The following CDA variants were observed in gnomAD, a reference collection of about 807,000 sequenced individuals.
CDA encodes the protein cytidine deaminase, also known as cytidine aminohydrolase.
CDA carries 7 observed loss-of-function variants against 15.0 expected under a neutral mutation model. The observed-to-expected ratio is 0.47, with a 90% confidence interval of 0.26 to 0.87. The LOEUF (loss-of-function observed/expected upper bound fraction) is 0.87, where lower values mean the gene tolerates loss of function less well. CDA is among the 40% of genes least tolerant of loss of function. CDA has a pLI of 0.15. For synonymous variants in CDA, 58 were observed against 73.0 expected, an observed-to-expected ratio of 0.79 and a Z score of 1.05; for missense variants, 159 against 182.7, an observed-to-expected ratio of 0.87 and a Z score of 0.75.
At chr1:20,592,375 C>G (rs1037811722) in intron 1 of CDA, among the ~76,000 whole-genome samples, 1 of 152,160 alleles carries the variant, frequency 6.6e-6, no homozygotes, top group East Asian at 1.9e-4. Flanking sequence ...AAGAAGGTCA[C>G]AAATGATAGC....
intron 1 of CDA, among the ~76,000 whole-genome samples, chr1:20,594,096 C>G (rs1481476105): frequency 6.6e-6 from 1 of 152,222 alleles, no homozygotes; most frequent in Non-Finnish European, 1.5e-5. Flanking sequence ...CTGCCCAGGT[C>G]TGTGACTTTC....
At chr1:20,608,624 G>C (rs1420483308) in intron 2 of CDA, among the ~76,000 whole-genome samples, 1 of 152,148 alleles carries the variant, frequency 6.6e-6, no homozygotes, top group Non-Finnish European at 1.5e-5. Flanking sequence ...TGACCAAGCT[G>C]GTCTCGAACT....
intron 2 of CDA, among the ~76,000 whole-genome samples, chr1:20,607,012 T>C (rs1418121904): frequency 1.3e-5 from 2 of 152,230 alleles, no homozygotes; most frequent in African/African-American, 4.8e-5. Flanking sequence ...GCATGCCTGT[T>C]GGTCTTTAGG....
intron 1 of CDA, among the ~76,000 whole-genome samples, chr1:20,591,812 C>T (rs918853332): frequency 2.0e-5 from 3 of 151,538 alleles, no homozygotes; most frequent in African/African-American, 4.8e-5. Context: ...TTCTGAGTGT[C>T]AGCTCATACA....
At chr1:20,601,687 A>C (rs903769014) in intron 1 of CDA, among the ~76,000 whole-genome samples, 1 of 152,224 alleles carries the variant, frequency 6.6e-6, no homozygotes, top group Non-Finnish European at 1.5e-5. Context: ...TTAAATGACT[A>C]ATCACTCCTA....
intron 1 of CDA, among the ~76,000 whole-genome samples, chr1:20,592,125 C>T (rs937002817): frequency 2.0e-5 from 3 of 151,928 alleles, no homozygotes; most frequent in Admixed American, 6.6e-5. Flanking sequence ...CATGAGCCAC[C>T]GCACCCAGCC....
intron 1 of CDA, among the ~76,000 whole-genome samples, chr1:20,596,584 A>G (rs2052593189): frequency 6.6e-6 from 1 of 152,108 alleles, no homozygotes; most frequent in Admixed American, 6.5e-5. Context: ...ATTTAAAAAG[A>G]GAAGCCCTCC....
intron 1 of CDA, among the ~76,000 whole-genome samples, chr1:20,604,031 C>T (rs950631148): frequency 2.1e-5 from 3 of 141,440 alleles, no homozygotes; most frequent in East Asian, 4.4e-4. Flanking sequence ...GCACAAAGCT[C>T]GAGGTGTTTT....
chr1:20,603,756 C>A (rs911623761), intron 1 of CDA, among the ~76,000 whole-genome samples: 2 of 152,178 alleles, frequency 1.3e-5, no homozygotes, highest in Admixed American at 6.5e-5. Flanking sequence ...GATGGAATAC[C>A]ACATCTTGCT....
chr1:20,601,897 G>T (rs960000587), intron 1 of CDA, among the ~76,000 whole-genome samples: 1 of 152,118 alleles, frequency 6.6e-6, no homozygotes, highest in African/African-American at 2.4e-5. Flanking sequence ...GAGAGGCCAA[G>T]GTAGGTGGAT....
intron 2 of CDA, among the ~76,000 whole-genome samples, chr1:20,609,401 G>C (rs560681973): frequency 4.7e-4 from 71 of 152,280 alleles, no homozygotes; most frequent in African/African-American, 1.7e-3. Context: ...CAGGAGAATG[G>C]CGCGAACCTG....
Position 20,618,815 on chromosome 1 carries a change from A to T in CDA, c.*247A>T. ...TGGGCCCTCTTTCAAAGTCCAGCCTAGTCTGGACTGCTTCCCCATCAGCCT... is the reference window on the plus strand; with the variant it reads ...TGGGCCCTCTTTCAAAGTCCAGCCTTGTCTGGACTGCTTCCCCATCAGCCT... On this transcript the variant is annotated 3_prime_UTR_variant, in exon 4 of 4. Coordinates refer to ENST00000375071, the MANE Select transcript of CDA (RefSeq NM_001785.3). 2.0e-6 allele frequency: 1 copy of T among 493,796 alleles called. No homozygotes were observed. Among genetic ancestry groups the T allele is most frequent in the East Asian group, 3.8e-5 (1 of 26,012 alleles). The allele number at this position is 493,796 out of a possible 1,614,324, so 30.6% of individuals were successfully genotyped here.
At chr1:20,600,396 G>A (rs1391332614) in intron 1 of CDA, among the ~76,000 whole-genome samples, 1 of 152,110 alleles carries the variant, frequency 6.6e-6, no homozygotes, top group Non-Finnish European at 1.5e-5. Flanking sequence ...GAAACCAAGT[G>A]TAGGGATGTC....
At position 20,591,930 on chromosome 1, in the gene CDA, G is replaced by A. The variant is rs551482713; in HGVS notation, c.154+2647G>A. On this transcript the variant is annotated intron_variant, in intron 1 of 3. Transcript: ENST00000375071. ...GCGATCTCGGCTCACTGCAATCTCC[G>A]ACGCCCAGGTTCAAGCGATTCTCCT... 4.5e-4 allele frequency among the ~76,000 whole-genome samples: 68 copies of A among 150,718 alleles called. 1 individual carries two copies. Among genetic ancestry groups the A allele is most frequent in the African/African-American group, 1.4e-3 (58 of 40,986 alleles).
At chr1:20,598,837 C>T (rs1303850106) in intron 1 of CDA, among the ~76,000 whole-genome samples, 4 of 152,172 alleles carry the variant, frequency 2.6e-5, no homozygotes, top group Admixed American at 1.3e-4. Flanking sequence ...ACATTCAATC[C>T]ATAAGAGAAA....
chr1:20,614,342 T>C (rs1245338132), intron 3 of CDA, among the ~76,000 whole-genome samples: 3 of 151,790 alleles, frequency 2.0e-5, no homozygotes, highest in Non-Finnish European at 4.4e-5. Context: ...ACACTGCAGA[T>C]TGGGGTCAGC....
intron 3 of CDA, among the ~76,000 whole-genome samples, chr1:20,617,404 T>A (rs1033989432): frequency 3.3e-5 from 5 of 152,180 alleles, no homozygotes; most frequent in African/African-American, 1.2e-4. Context: ...GTGTCCCCAC[T>A]CAAATCTCAT....
At chr1:20,603,741 A>G (rs983119422) in intron 1 of CDA, among the ~76,000 whole-genome samples, 1 of 152,256 alleles carries the variant, frequency 6.6e-6, no homozygotes, top group Non-Finnish European at 1.5e-5. Context: ...ACAAACAGTG[A>G]TACAGATGGA....
Position 20,618,621 on chromosome 1 carries a change from A to G in CDA, c.*53A>G, listed in dbSNP as rs1292201184. On this transcript the variant is annotated 3_prime_UTR_variant, in exon 4 of 4. Transcript: ENST00000375071. ...CAGCCACCTGGAGAACTTCATAAAG[A>G]TGTCTCACAGCCCTGGGGACACCTG... 1 of 1,085,050 alleles carries G rather than the reference A, an allele frequency of 9.2e-7. No individual in the cohort carries two copies. Among genetic ancestry groups the G allele is most frequent in the Non-Finnish European group, 1.4e-6 (1 of 697,026 alleles). The allele number at this position is 1,085,050 out of a possible 1,614,324, so 67.2% of individuals were successfully genotyped here.
Sources: gnomAD v4.1 joint callset for allele counts (sites outside exome capture counted in the v4.1 genomes callset) on GRCh38, gnomAD v4.1.1 for gene constraint, MANE v1.5 for transcripts, NCBI Gene and HGNC (gene_info 2026-07-23, HGNC 2026-07-21) for gene names.